The following MTCL1 variants were observed in gnomAD, a reference collection of about 807,000 sequenced individuals.
The protein encoded by MTCL1 is microtubule cross-linking factor 1.
A neutral mutation model predicts 141.4 loss-of-function variants in MTCL1; 79 were observed. The ratio of observed to expected loss-of-function variants is 0.56; its 90% CI spans 0.47 to 0.67. The LOEUF is 0.67. MTCL1 is among the 30% of genes least tolerant of loss of function. The pLI is 0.00. For synonymous variants in MTCL1, 914 were observed against 875.8 expected (o/e 1.04, Z -0.77); for missense variants, 2,177 against 2,113.9 (o/e 1.03, Z -0.59).
Position 8,818,962 on chromosome 18 carries a change from G to C in MTCL1, c.2860-1G>C. The C allele has an allele frequency of 5.6e-6, 9 of 1,598,218 alleles. No homozygotes were observed. Among genetic ancestry groups the C allele is most frequent in the Non-Finnish European group, 7.7e-6 (9 of 1,169,304 alleles). On this transcript the variant is annotated splice_acceptor_variant, in intron 12 of 16. Coordinates refer to ENST00000359865, the Ensembl canonical transcript of MTCL1. LOFTEE classifies it high-confidence loss of function. ...TTATTTTCATTTTTAAAATTCTCAA[G>C]TTGCAGAAAGAGAACAGTCCCCGGA...
At chr18:8,733,731 A>G (rs2096262833) in intron 4 of MTCL1, among the ~76,000 whole-genome samples, 1 of 151,934 alleles carries the variant, frequency 6.6e-6, no homozygotes, top group South Asian at 2.1e-4. Flanking sequence ...ATGATTGAGA[A>G]CCTCAAGCAT....
chr18:8,804,384 T>C (rs1598740764), intron 10 of MTCL1, among the ~76,000 whole-genome samples: 2 of 151,894 alleles, frequency 1.3e-5, no homozygotes. Context: ...GCCTCCTGAG[T>C]AGTTGGGACT....
chr18:8,729,651 A>G (rs1404027963), intron 4 of MTCL1, among the ~76,000 whole-genome samples: 4 of 94,562 alleles, frequency 4.2e-5, no homozygotes, highest in African/African-American at 1.4e-4. Flanking sequence ...TGATCCTCTC[A>G]CTTTGGCTTC....
intron 4 of MTCL1, 74 bp downstream of exon 3, chr18:8,720,570 C>A: frequency 6.9e-7 from 1 of 1,450,110 alleles, no homozygotes; most frequent in South Asian, 1.3e-5. Flanking sequence ...GTGCCCCCTT[C>A]TCATTGTGGT....
chr18:8,778,977 T>C (rs1274913201), intron 5 of MTCL1, among the ~76,000 whole-genome samples: 1 of 152,166 alleles, frequency 6.6e-6, no homozygotes, highest in Non-Finnish European at 1.5e-5. Context: ...GTACCTGGGA[T>C]GCGTTGAGCC....
intron 4 of MTCL1, among the ~76,000 whole-genome samples, chr18:8,771,870 TG>T (rs555526857): frequency 6.6e-6 from 1 of 152,184 alleles, no homozygotes; most frequent in African/African-American, 2.4e-5. Context: ...AAGCCCCCAC[TG>T]GGGGGGTTCC....
chr18:8,784,369 GGAA>G (rs2096543261), exon 6 of MTCL1: 2 of 1,535,278 alleles, frequency 1.3e-6, no homozygotes, highest in African/African-American at 1.4e-5. Flanking sequence ...GTGACTCGGA[GGAA>G]ATGTTTGAGA....
At chr18:8,813,292 C>A (rs2076546868) in intron 12 of MTCL1, 59 bp downstream of exon 11, 4 of 1,547,116 alleles carry the variant, frequency 2.6e-6, no homozygotes, top group Non-Finnish European at 3.5e-6. Context: ...GCTCAGTGGA[C>A]CCAGAAAGCA....
rs200977312 is a variant in MTCL1, at chr18:8,825,288, C to T, written c.3778C>T (p.Pro1260Ser). Reference sequence around the variant, plus strand: ...GGGGGCACGGCGCCCCCTTGATAGTCCCCTCTGTACCTCCCTGGGGTTTGC... The same window carrying T: ...GGGGGCACGGCGCCCCCTTGATAGTTCCCTCTGTACCTCCCTGGGGTTTGC... Residue 1260 changes from proline to serine, a missense_variant, in exon 15 of 17, where the codon CCC becomes TCC. By Grantham distance (74) the Pro-to-Ser change is moderately conservative (BLOSUM62 -1). Coordinates refer to ENST00000359865, the Ensembl canonical transcript of MTCL1. The T allele has an allele frequency of 1.3e-4, 197 of 1,546,088 alleles. No individual in the cohort carries two copies. Among genetic ancestry groups the T allele is most frequent in the Non-Finnish European group, 1.6e-4 (184 of 1,149,054 alleles).
chr18:8,737,018 A>G (rs2148891948), intron 4 of MTCL1, among the ~76,000 whole-genome samples: 1 of 152,286 alleles, frequency 6.6e-6, no homozygotes, highest in South Asian at 2.1e-4. Flanking sequence ...CTCAGGAGGC[A>G]TGAGGGGATT....
intron 2 of MTCL1, chr18:8,718,103 G>A: frequency 2.9e-6 from 2 of 689,574 alleles, no homozygotes; most frequent in South Asian, 3.0e-5. Context: ...GGTTTGAATT[G>A]AAAGGTTCAA....
At chr18:8,819,188 T>G in exon 13 of MTCL1, 1 of 1,614,164 alleles carries the variant, frequency 6.2e-7, no homozygotes, top group South Asian at 1.1e-5. Flanking sequence ...GGATGCCTTG[T>G]CCCTGGATGA....
intron 4 of MTCL1, among the ~76,000 whole-genome samples, chr18:8,745,560 G>A (rs2096332094): frequency 6.6e-6 from 1 of 152,004 alleles, no homozygotes; most frequent in South Asian, 2.1e-4. Flanking sequence ...TGGGTTGTTC[G>A]GGAGCTTCCA....
At chr18:8,825,226 C>T (rs1365566442) in exon 15 of MTCL1, 3 of 1,597,234 alleles carry the variant, frequency 1.9e-6, no homozygotes. Flanking sequence ...AGCAGGTGGC[C>T]TTGCACCTCC....
At chr18:8,797,920 A>G (rs2075981672) in intron 9 of MTCL1, among the ~76,000 whole-genome samples, 177 bp from the exon 9 acceptor site, 1 of 152,244 alleles carries the variant, frequency 6.6e-6, no homozygotes, top group South Asian at 2.1e-4. Context: ...TGTGGTCTTT[A>G]AATGCAGCAA....
chr18:8,759,010 A>G (rs1042939751), intron 4 of MTCL1, among the ~76,000 whole-genome samples: 1 of 152,226 alleles, frequency 6.6e-6, no homozygotes, highest in Non-Finnish European at 1.5e-5. Flanking sequence ...CAGAAGGACA[A>G]GAGGACAGCA....
exon 15 of MTCL1, chr18:8,825,833 T>C: frequency 6.2e-7 from 1 of 1,614,178 alleles, no homozygotes; most frequent in Non-Finnish European, 8.5e-7. Flanking sequence ...CCATTAATGA[T>C]GGCCTCTCCA....
chr18:8,724,525 G>A (rs1008389104), intron 4 of MTCL1, among the ~76,000 whole-genome samples: 8 of 152,168 alleles, frequency 5.3e-5, no homozygotes, highest in Admixed American at 2.6e-4. Flanking sequence ...GACCATACAC[G>A]TTGAATGTGT....
chr18:8,770,618 T>G (rs1403295944), intron 4 of MTCL1, among the ~76,000 whole-genome samples: 2 of 151,912 alleles, frequency 1.3e-5, no homozygotes, highest in Non-Finnish European at 2.9e-5. Flanking sequence ...ACGTTGAGAA[T>G]TAGGGCTTCC....
Sources: allele counts gnomAD v4.1 joint callset (sites outside exome capture counted in the v4.1 genomes callset), GRCh38; gene constraint gnomAD v4.1.1; transcripts MANE v1.5; gene names NCBI Gene and HGNC (gene_info 2026-07-23, HGNC 2026-07-21).